Variants in PRMT8 observed in about 807,000 individuals in gnomAD.
The protein encoded by PRMT8 is protein arginine N-methyltransferase 8.
PRMT8 carries 7 observed loss-of-function variants against 47.1 expected under a neutral mutation model. That is an observed-to-expected ratio of 0.15 (90% CI 0.08 to 0.28). The LOEUF is 0.28. Ranked by LOEUF, PRMT8 falls within the 10% of genes least tolerant of loss-of-function variation. PRMT8 has a pLI of 1.00. For missense variants in PRMT8, 237 were observed against 505.4 expected (o/e 0.47, Z 5.09); for synonymous variants, 188 against 186.5 (o/e 1.01, Z -0.07).
At chr12:3,499,056 T>C (rs1865550642) in intron 1 of PRMT8, among the ~76,000 whole-genome samples, 1 of 152,212 alleles carries the variant, frequency 6.6e-6, no homozygotes, top group Non-Finnish European at 1.5e-5. Flanking sequence ...TGTGTGTGTC[T>C]ATACGTCTTC....
intron 1 of PRMT8, among the ~76,000 whole-genome samples, chr12:3,526,480 A>G (rs938978882): frequency 2.6e-5 from 4 of 152,186 alleles, no homozygotes; most frequent in Non-Finnish European, 5.9e-5. Context: ...ACTCTCACCA[A>G]TGGTGCACAA....
intron 1 of PRMT8, among the ~76,000 whole-genome samples, chr12:3,455,482 G>A (rs746643270): frequency 6.6e-6 from 1 of 152,112 alleles, no homozygotes; most frequent in Non-Finnish European, 1.5e-5. Context: ...TCTCCCTAAG[G>A]GGAATTGACT....
rs182056149 is a variant in PRMT8, at chr12:3,572,241, C to T, written c.712+2677C>T. ...CTAGGCTCACAATACATAATTTTAA[C>T]GAAGGAAGGAAGGAAGGAAGGAAAG... is the stretch of plus-strand genomic sequence containing the variant. On this transcript the variant is annotated intron_variant, in intron 6 of 9. Coordinates refer to ENST00000382622, the MANE Select transcript of PRMT8 (RefSeq NM_019854.5). This position sits in a 1 kb window ranked among gnomAD's most constrained non-coding sequence, Gnocchi z 5.9. Among the ~76,000 whole-genome samples the T allele has an allele frequency of 1.3e-3, 192 of 151,828 alleles. No individual in the cohort carries two copies. Among genetic ancestry groups the T allele is most frequent in the Middle Eastern group, 6.8e-3 (2 of 292 alleles).
At chr12:3,573,513 A>G (rs968654426) in intron 6 of PRMT8, among the ~76,000 whole-genome samples, 2 of 152,106 alleles carry the variant, frequency 1.3e-5, no homozygotes, top group Non-Finnish European at 2.9e-5. Flanking sequence ...GATAAGTCAT[A>G]TTTTTCCCTT....
At chr12:3,485,589 G>A (rs994861362) in intron 1 of PRMT8, among the ~76,000 whole-genome samples, 3 of 152,174 alleles carry the variant, frequency 2.0e-5, no homozygotes, top group African/African-American at 7.2e-5. Flanking sequence ...TCCATACAGT[G>A]AGATGTTATA....
At position 3,436,083 on chromosome 12, in the gene PRMT8, G is replaced by C. The variant is rs150821476; in HGVS notation, c.48+54641G>C. Among the ~76,000 whole-genome samples, 1 of 152,056 alleles carries C rather than the reference G, an allele frequency of 6.6e-6. No homozygotes were observed. Among genetic ancestry groups the C allele is most frequent in the Admixed American group, 6.5e-5 (1 of 15,276 alleles). Reference sequence around the variant, plus strand: ...ACACCTGTGGTGAGGTTGGGCAAAGGCTTGGCTCTGGTTGCCCTGTGACTT... The same window carrying C: ...ACACCTGTGGTGAGGTTGGGCAAAGCCTTGGCTCTGGTTGCCCTGTGACTT... On this transcript the variant is annotated intron_variant, in intron 1 of 9. Coordinates refer to the PRMT8 transcript ENST00000452611. This position sits in a 1 kb window ranked among gnomAD's most constrained non-coding sequence, Gnocchi z 4.2.
intron 1 of PRMT8, among the ~76,000 whole-genome samples, chr12:3,392,609 CATT>C (rs1226064333): frequency 1.3e-5 from 2 of 151,362 alleles, no homozygotes; most frequent in East Asian, 3.9e-4. Context: ...TCCAGTCTAT[CATT>C]GTTGGACATT....
intron 1 of PRMT8, among the ~76,000 whole-genome samples, chr12:3,404,854 A>G (rs1326203541): frequency 6.6e-6 from 1 of 152,218 alleles, no homozygotes; most frequent in Non-Finnish European, 1.5e-5. Flanking sequence ...TAATTGTGAT[A>G]GCTTTCTGGT....
rs551515916 is a variant in PRMT8 at position 3,467,100 on chromosome 12, C to A, written c.49-73506C>A. Among the ~76,000 whole-genome samples the A allele has an allele frequency of 6.7e-4, 102 of 151,752 alleles. 1 individual carries two copies. Among genetic ancestry groups the A allele is most frequent in the African/African-American group, 2.4e-3 (100 of 41,378 alleles). ...TAAAAATACAAAAAAATTAACCGGGCGTGGTGGCGGGTGCCTGTAGTCCCA... is the reference window on the plus strand; with the variant it reads ...TAAAAATACAAAAAAATTAACCGGGAGTGGTGGCGGGTGCCTGTAGTCCCA... On this transcript the variant is annotated intron_variant, in intron 1 of 9. Coordinates refer to the PRMT8 transcript ENST00000452611.
intron 2 of PRMT8, among the ~76,000 whole-genome samples, chr12:3,544,706 G>A (rs1238479485): frequency 5.3e-5 from 8 of 152,168 alleles, no homozygotes; most frequent in South Asian, 2.1e-4. Flanking sequence ...GCAGGATGTC[G>A]TCATGGTGTT....
intron 1 of PRMT8, among the ~76,000 whole-genome samples, chr12:3,447,090 C>T (rs1053658575): frequency 5.9e-5 from 9 of 152,162 alleles, no homozygotes; most frequent in Admixed American, 5.9e-4. Flanking sequence ...AGTGATCACT[C>T]TGGGCAGCCC....
Position 3,535,029 on chromosome 12 carries a change from T to C in PRMT8, c.76-5577T>C, listed in dbSNP as rs1866094640. Among the ~76,000 whole-genome samples, 2 of 152,244 alleles carry C rather than the reference T, an allele frequency of 1.3e-5. No homozygotes were observed. Among genetic ancestry groups the C allele is most frequent in the African/African-American group, 4.8e-5 (2 of 41,464 alleles). On this transcript the variant is annotated intron_variant, in intron 1 of 9. Coordinates refer to ENST00000382622, the MANE Select transcript of PRMT8 (RefSeq NM_019854.5). The surrounding 1 kb of genome is among the most constrained non-coding windows in gnomAD (Gnocchi z 4.7). ...CGCCTGGGGCGCAGTGGGCCCTTAG[T>C]CAATGTTAGGTCTCATCACCATCAT... is the stretch of plus-strand genomic sequence containing the variant.
At chr12:3,531,270 G>C (rs1209404100) in intron 1 of PRMT8, among the ~76,000 whole-genome samples, 23 of 152,174 alleles carry the variant, frequency 1.5e-4, no homozygotes, top group Non-Finnish European at 1.5e-5. Flanking sequence ...CAAGTCAAAG[G>C]AGGGGAGGAG....
intron 1 of PRMT8, among the ~76,000 whole-genome samples, chr12:3,536,046 A>T (rs536615898): frequency 6.6e-6 from 1 of 152,288 alleles, no homozygotes; most frequent in South Asian, 2.1e-4. Flanking sequence ...TCTCTTGGAG[A>T]TGCATCTGGA....
chr12:3,522,765 G>T (rs1241859915), intron 1 of PRMT8, among the ~76,000 whole-genome samples: 1 of 150,524 alleles, frequency 6.6e-6, no homozygotes, highest in Non-Finnish European at 1.5e-5. Context: ...TTACACTAGG[G>T]TCAAAAAACT....
At chr12:3,543,746 G>A (rs1179701885) in intron 2 of PRMT8, among the ~76,000 whole-genome samples, 2 of 152,188 alleles carry the variant, frequency 1.3e-5, no homozygotes, top group Non-Finnish European at 2.9e-5. Context: ...AGAGGGCAGG[G>A]GCTAGCGAGA....
intron 1 of PRMT8, among the ~76,000 whole-genome samples, chr12:3,408,610 C>A (rs1015751444): frequency 6.6e-6 from 1 of 152,060 alleles, no homozygotes; most frequent in Non-Finnish European, 1.5e-5. Context: ...GAGGTCTGTT[C>A]CTTTGATGGT....
At chr12:3,460,028 G>A (rs1334586783) in intron 1 of PRMT8, among the ~76,000 whole-genome samples, 1 of 152,230 alleles carries the variant, frequency 6.6e-6, no homozygotes, top group Non-Finnish European at 1.5e-5. Context: ...GGGAGGTTAA[G>A]CTGTGTGGAT....
intron 1 of PRMT8, among the ~76,000 whole-genome samples, chr12:3,479,681 C>T (rs1268593423): frequency 6.6e-6 from 1 of 152,224 alleles, no homozygotes; most frequent in African/African-American, 2.4e-5. Flanking sequence ...TCTGCAGACC[C>T]ACTATGACTT....
Sources: gnomAD v4.1 joint callset for allele counts (sites outside exome capture counted in the v4.1 genomes callset) on GRCh38, gnomAD v4.1.1 for gene constraint, Gnocchi (gnomAD v3.1) non-coding constraint, MANE v1.5 for transcripts, NCBI Gene and HGNC (gene_info 2026-07-23, HGNC 2026-07-21) for gene names.